KIRREL3: variants seen among roughly 807,000 people sequenced by gnomAD.
KIRREL3 encodes kin of IRRE-like protein 3.
In KIRREL3, 36 loss-of-function variants were observed where a neutral mutation model predicts 89.7. The ratio of observed to expected loss-of-function variants is 0.40; its 90% CI spans 0.31 to 0.53. The LOEUF is 0.53. KIRREL3 is among the 20% of genes least tolerant of loss of function. The pLI, the probability that KIRREL3 is intolerant of heterozygous loss-of-function variation, is 0.49. For synonymous variants in KIRREL3, 445 were observed against 441.4 expected, an observed-to-expected ratio of 1.01 and a Z score of -0.10; for missense variants, 864 against 1,056.6, an observed-to-expected ratio of 0.82 and a Z score of 2.53.
At chr11:126,659,187 AAG>A (rs370732141) in intron 1 of KIRREL3, among the ~76,000 whole-genome samples, 53 of 152,202 alleles carry the variant, frequency 3.5e-4, no homozygotes, top group African/African-American at 1.2e-3. Flanking sequence ...TCTTTTCTTC[AAG>A]AATCTCAGAC....
chr11:126,455,905 C>T lies in KIRREL3; in HGVS notation c.848+444G>A, dbSNP rs1028405954. Among the ~76,000 whole-genome samples the T allele has an allele frequency of 2.0e-5, 3 of 151,938 alleles. No individual in the cohort carries two copies. The highest frequency in any genetic ancestry group is 4.4e-5 in the Non-Finnish European group (3 of 67,990). On this transcript the variant is annotated intron_variant, in intron 7 of 16. Coordinates refer to ENST00000525144, the MANE Select transcript of KIRREL3 (RefSeq NM_032531.4). This position sits in a 1 kb window ranked among gnomAD's most constrained non-coding sequence, Gnocchi z 6.4. ...CAGGGGCCATGAGTAAGTGTGATCC[C>T]GGATGCTCACTGGACTGGGCCGGGG... is the stretch of plus-strand genomic sequence containing the variant.
At position 126,769,939 on chromosome 11, in the gene KIRREL3, A is replaced by G. The variant is rs555417919; in HGVS notation, c.56-207027T>C. 6.6e-6 allele frequency among the ~76,000 whole-genome samples: 1 copy of G among 152,220 alleles called. No individual in the cohort carries two copies. Among genetic ancestry groups the G allele is most frequent in the East Asian group, 1.9e-4 (1 of 5,184 alleles). On this transcript the variant is annotated intron_variant, in intron 1 of 16. Coordinates refer to ENST00000525144, the MANE Select transcript of KIRREL3 (RefSeq NM_032531.4). This position sits in a 1 kb window ranked among gnomAD's most constrained non-coding sequence, Gnocchi z 4.3. ...GGCGGAGTGTTGGGCACATAGCTAG[A>G]GCTCTGTGGATATTAGCTGTTGATT...
At chr11:126,662,906 CTTTTTTTTTT>C (rs756193928) in intron 1 of KIRREL3, among the ~76,000 whole-genome samples, 28 of 91,898 alleles carry the variant, frequency 3.0e-4, no homozygotes, top group African/African-American at 1.1e-3. Flanking sequence ...AAAGTCCTTT[CTTTTTTTTTT>C]TTTTTTTTTT....
Position 126,429,774 on chromosome 11 carries a change from C to T in KIRREL3, c.1697-486G>A, listed in dbSNP as rs180803705. On this transcript the variant is annotated intron_variant, in intron 14 of 16. Coordinates refer to ENST00000525144, the MANE Select transcript of KIRREL3 (RefSeq NM_032531.4). This position sits in a 1 kb window ranked among gnomAD's most constrained non-coding sequence, Gnocchi z 5.2. ...AGGCAGTGGGCAGCTTCTCTGTCGA[C>T]GCCTCCGTGATGGAAGCTTTACTGC... Among the ~76,000 whole-genome samples, 31 of 152,352 alleles carry T rather than the reference C, an allele frequency of 2.0e-4. No individual in the cohort carries two copies. The highest frequency in any genetic ancestry group is 7.0e-4 in the African/African-American group (29 of 41,586).
Position 126,877,153 on chromosome 11 carries a change from C to T in KIRREL3, c.55+123302G>A, listed in dbSNP as rs1184840264. On this transcript the variant is annotated intron_variant, in intron 1 of 16. Coordinates refer to ENST00000525144, the MANE Select transcript of KIRREL3 (RefSeq NM_032531.4). The surrounding 1 kb of genome is among the most constrained non-coding windows in gnomAD (Gnocchi z 4.9). ...GAGGAGGACAAGCAGACGTTCAGCT[C>T]TGTTAAGAGACCATTGATTGAGGAG... 6.6e-6 allele frequency among the ~76,000 whole-genome samples: 1 copy of T among 152,166 alleles called. No homozygotes were observed. The highest frequency in any genetic ancestry group is 2.4e-5 in the African/African-American group (1 of 41,440).
At chr11:126,567,609 A>C (rs1940607518) in intron 1 of KIRREL3, among the ~76,000 whole-genome samples, 1 of 152,246 alleles carries the variant, frequency 6.6e-6, no homozygotes, top group South Asian at 2.1e-4. Context: ...TGCAGGGAGC[A>C]GCATCACACT....
rs1012003322 is a variant in KIRREL3 at position 126,808,169 on chromosome 11, G to A, written c.55+192286C>T. On this transcript the variant is annotated intron_variant, in intron 1 of 16. Coordinates refer to ENST00000525144, the MANE Select transcript of KIRREL3 (RefSeq NM_032531.4). This position sits in a 1 kb window ranked among gnomAD's most constrained non-coding sequence, Gnocchi z 4.1. ...GCAATTGTATGTAGTTTGGAGAATAGGGCCCTCATCTTGAGGCTGGGAGCA... is the reference window on the plus strand; with the variant it reads ...GCAATTGTATGTAGTTTGGAGAATAAGGCCCTCATCTTGAGGCTGGGAGCA... Among the ~76,000 whole-genome samples the A allele has an allele frequency of 6.6e-6, 1 of 152,186 alleles. No homozygotes were observed. The highest frequency in any genetic ancestry group is 1.5e-5 in the Non-Finnish European group (1 of 68,030).
chr11:126,867,907 C>A lies in KIRREL3; in HGVS notation c.55+132548G>T, dbSNP rs1280205752. On this transcript the variant is annotated intron_variant, in intron 1 of 16. Transcript: ENST00000525144. The surrounding 1 kb of genome is among the most constrained non-coding windows in gnomAD (Gnocchi z 4.7). Reference sequence around the variant, plus strand: ...ATGCATGTCTTATATATCTGTATCCCCTACAGCACCTAACCTCAGAGCTAG... The same window carrying A: ...ATGCATGTCTTATATATCTGTATCCACTACAGCACCTAACCTCAGAGCTAG... Among the ~76,000 whole-genome samples, 1 of 152,078 alleles carries A rather than the reference C, an allele frequency of 6.6e-6. No homozygotes were observed. Among genetic ancestry groups the A allele is most frequent in the South Asian group, 2.1e-4 (1 of 4,814 alleles).
At chr11:126,838,173 C>T (rs1056615598) in intron 1 of KIRREL3, among the ~76,000 whole-genome samples, 1 of 152,152 alleles carries the variant, frequency 6.6e-6, no homozygotes, top group African/African-American at 2.4e-5. Context: ...TTCTACTGGG[C>T]ATGCTTTAAA....
Position 126,427,073 on chromosome 11 carries a change from A to T in KIRREL3, c.1807-1349T>A, listed in dbSNP as rs182939180. On this transcript the variant is annotated intron_variant, in intron 15 of 16. Transcript: ENST00000525144. The surrounding 1 kb of genome is among the most constrained non-coding windows in gnomAD (Gnocchi z 5.3). ...CCCCCACTCTTGCCTGTGGATTTGG[A>T]CTAAGGGATGTGGAGACAGTCTGAG... Among the ~76,000 whole-genome samples the T allele has an allele frequency of 6.6e-5, 10 of 152,222 alleles. No individual in the cohort carries two copies. In the East Asian group the frequency reaches 1.9e-3, roughly 29 times the overall value.
chr11:126,785,868 G>A (rs1592126091), intron 1 of KIRREL3, among the ~76,000 whole-genome samples: 2 of 84,252 alleles, frequency 2.4e-5, no homozygotes, highest in Admixed American at 2.1e-4. Flanking sequence ...GCGAGACTCC[G>A]TCTCAAAAAA....
intron 1 of KIRREL3, among the ~76,000 whole-genome samples, chr11:126,833,813 G>C (rs1427744271): frequency 6.6e-6 from 1 of 152,158 alleles, no homozygotes; most frequent in Non-Finnish European, 1.5e-5. Context: ...TGTTTTTGCA[G>C]GTCTGATTAA....
chr11:126,967,817 A>AGC (rs1565464320), intron 1 of KIRREL3, among the ~76,000 whole-genome samples: 4 of 151,786 alleles, frequency 2.6e-5, no homozygotes, highest in Admixed American at 1.3e-4. Context: ...GCAGCTGGGG[A>AGC]GGGGGCTTGC....
chr11:126,848,629 A>C (rs572173665), intron 1 of KIRREL3, among the ~76,000 whole-genome samples: 3 of 152,212 alleles, frequency 2.0e-5, no homozygotes, highest in African/African-American at 4.8e-5. Context: ...GTTCATGGAA[A>C]GCCTTCTAAT....
chr11:126,746,899 C>G (rs897211964), intron 1 of KIRREL3, among the ~76,000 whole-genome samples: 36 of 152,198 alleles, frequency 2.4e-4, no homozygotes, highest in African/African-American at 8.7e-4. Context: ...GGAGGAACAG[C>G]CTCACGTGGC....
intron 1 of KIRREL3, among the ~76,000 whole-genome samples, chr11:126,938,720 T>C (rs945705935): frequency 6.6e-6 from 1 of 152,240 alleles, no homozygotes; most frequent in Non-Finnish European, 1.5e-5. Context: ...AGAAAGTTTC[T>C]AGACACAATT....
intron 11 of KIRREL3, among the ~76,000 whole-genome samples, chr11:126,439,815 C>T (rs915810060): frequency 2.0e-5 from 3 of 150,616 alleles, no homozygotes; most frequent in African/African-American, 7.3e-5. Context: ...GAGACTCCAT[C>T]TCAAAAAACA....
In KIRREL3 at chr11:126,676,396, T is replaced by A. The variant is rs1316660570; in HGVS notation, c.56-113484A>T. 6.6e-6 allele frequency among the ~76,000 whole-genome samples: 1 copy of A among 152,138 alleles called. No homozygotes were observed. The highest frequency in any genetic ancestry group is 2.4e-5 in the African/African-American group (1 of 41,438). ...TATCTCAGTTCAGGCTAGAATTCTC[T>A]CCTACCCTGGGGCCTCTCTAGTCCC... On this transcript the variant is annotated intron_variant, in intron 1 of 16. Transcript: ENST00000525144. This position sits in a 1 kb window ranked among gnomAD's most constrained non-coding sequence, Gnocchi z 4.5.
At position 126,996,695 on chromosome 11, in the gene KIRREL3, C is replaced by A. The variant is rs1303787475; in HGVS notation, c.55+3760G>T. ...TGACAGCCCCTTTTGGTGTTTCCAG[C>A]CAGGCAGGAGAGCAAGTGGGCTGCT... is the stretch of plus-strand genomic sequence containing the variant. On this transcript the variant is annotated intron_variant, in intron 1 of 16. Coordinates refer to ENST00000525144, the MANE Select transcript of KIRREL3 (RefSeq NM_032531.4). This position sits in a 1 kb window ranked among gnomAD's most constrained non-coding sequence, Gnocchi z 4.7. Among the ~76,000 whole-genome samples the A allele has an allele frequency of 6.6e-6, 1 of 152,182 alleles. No homozygotes were observed. Among genetic ancestry groups the A allele is most frequent in the African/African-American group, 2.4e-5 (1 of 41,442 alleles).
Sources: allele counts gnomAD v4.1 joint callset (sites outside exome capture counted in the v4.1 genomes callset), GRCh38; gene constraint gnomAD v4.1.1; non-coding constraint Gnocchi (gnomAD v3.1); transcripts MANE v1.5; gene names NCBI Gene and HGNC (gene_info 2026-07-23, HGNC 2026-07-21).